Variants in PIK3C2G observed in about 807,000 individuals in gnomAD.
PIK3C2G encodes phosphatidylinositol 3-kinase C2 domain-containing subunit gamma.
Under a neutral mutation model 181.1 loss-of-function variants are expected in PIK3C2G, and 168 were observed. That is an observed-to-expected ratio of 0.93 (90% confidence interval 0.82 to 1.05). The LOEUF (loss-of-function observed/expected upper bound fraction) is 1.05, where lower values mean the gene tolerates loss of function less well. Ranked by LOEUF, PIK3C2G falls within the 50% of genes least tolerant of loss-of-function variation. The probability of loss-of-function intolerance (pLI) is 0.00; values close to 1 mark genes in which losing one functional copy is unlikely to be tolerated. For synonymous variants in PIK3C2G, 573 were observed against 592.2 expected (o/e 0.97, Z 0.47); for missense variants, 1,869 against 1,732.8 (o/e 1.08, Z -1.40).
chr12:18,623,354 T>C (rs1365118517), intron 31 of PIK3C2G, among the ~76,000 whole-genome samples: 1 of 151,840 alleles, frequency 6.6e-6, no homozygotes, highest in Non-Finnish European at 1.5e-5. Flanking sequence ...TGACTGTACA[T>C]GTGGGGGTTC....
At chr12:18,622,351 C>T (rs1356631620) in intron 31 of PIK3C2G, among the ~76,000 whole-genome samples, 1 of 151,820 alleles carries the variant, frequency 6.6e-6, no homozygotes, top group Non-Finnish European at 1.5e-5. Flanking sequence ...GCGTAATATT[C>T]TCCAGTTCTA....
chr12:18,624,030 T>A (rs570362052), intron 31 of PIK3C2G, among the ~76,000 whole-genome samples: 1 of 151,888 alleles, frequency 6.6e-6, no homozygotes, highest in South Asian at 2.1e-4. Flanking sequence ...TTTCTTTCTT[T>A]CTCCTTTCTA....
chr12:18,432,672 T>C (rs961509032), intron 18 of PIK3C2G, among the ~76,000 whole-genome samples: 2 of 152,218 alleles, frequency 1.3e-5, no homozygotes, highest in African/African-American at 4.8e-5. Context: ...TCTAATAATA[T>C]TTGAATTTGG....
chr12:18,447,937 A>T (rs1256315744), intron 18 of PIK3C2G, among the ~76,000 whole-genome samples: 1 of 152,176 alleles, frequency 6.6e-6, no homozygotes, highest in East Asian at 1.9e-4. Context: ...ATTAATGCAG[A>T]TTATGGGGGA....
chr12:18,249,068 A>G (rs577955324), intron 1 of PIK3C2G, among the ~76,000 whole-genome samples: 10 of 152,254 alleles, frequency 6.6e-5, no homozygotes, highest in African/African-American at 2.4e-4. Flanking sequence ...AATATCATCA[A>G]TCTGTTATTT....
chr12:18,366,521 T>C (rs1290560346), intron 12 of PIK3C2G, among the ~76,000 whole-genome samples: 1 of 152,012 alleles, frequency 6.6e-6, no homozygotes, highest in Admixed American at 6.6e-5. Flanking sequence ...CAGAGTGAGA[T>C]TCTGTCTCAA....
chr12:18,695,044 C>T, the PIK3C2G span: 2 of 1,613,098 alleles, frequency 1.2e-6, no homozygotes, highest in Non-Finnish European at 1.7e-6. Context: ...TTTTGCAGAT[C>T]CATGGGCAGA....
chr12:18,304,510 G>A (rs993437487), intron 5 of PIK3C2G, among the ~76,000 whole-genome samples: 1 of 152,116 alleles, frequency 6.6e-6, no homozygotes, highest in African/African-American at 2.4e-5. Flanking sequence ...ACCCGCCCCG[G>A]CCTCCCAAAA....
At chr12:18,590,302 C>T (rs554004150) in intron 29 of PIK3C2G, among the ~76,000 whole-genome samples, 60 of 151,820 alleles carry the variant, frequency 4.0e-4, no homozygotes, top group Non-Finnish European at 8.3e-4. Context: ...ACATACTTTC[C>T]GAACACCTCA....
intron 25 of PIK3C2G, among the ~76,000 whole-genome samples, chr12:18,542,907 A>T (rs1024742897): frequency 4.0e-5 from 6 of 151,286 alleles, no homozygotes. Flanking sequence ...TGATATACCC[A>T]CAATGAGATT....
chr12:18,313,672 T>C (rs1950732925), intron 5 of PIK3C2G, among the ~76,000 whole-genome samples: 2 of 152,008 alleles, frequency 1.3e-5, no homozygotes, highest in Admixed American at 6.6e-5. Context: ...ATTCTAAAGG[T>C]GTCTAATCAT....
Position 18,559,625 on chromosome 12 carries a change from A to G in PIK3C2G, c.3591-3078A>G, listed in dbSNP as rs1246313088. ...TCAACTGGGGCTTTCTTCCAAAAAA[A>G]AAGGTCTCTCTCACACTGAAGAGAA... On this transcript the variant is annotated intron_variant, in intron 26 of 32. Transcript: ENST00000538779. 2.6e-5 allele frequency among the ~76,000 whole-genome samples: 4 copies of G among 151,386 alleles called. No individual in the cohort carries two copies. In the East Asian group the frequency reaches 7.8e-4, roughly 29 times the overall value.
downstream of PIK3C2G, among the ~76,000 whole-genome samples, chr12:18,650,867 C>T (rs1950482782): frequency 6.6e-6 from 1 of 151,002 alleles, no homozygotes; most frequent in Admixed American, 6.6e-5. Context: ...TCTGGTCCAA[C>T]TTACTGCTAT....
chr12:18,304,982 T>C (rs1413135144), intron 5 of PIK3C2G, among the ~76,000 whole-genome samples: 3 of 152,240 alleles, frequency 2.0e-5, no homozygotes, highest in Non-Finnish European at 4.4e-5. Context: ...AACTTTGAGC[T>C]ATCTCACACA....
chr12:18,273,850 C>T (rs1449262717), intron 1 of PIK3C2G, among the ~76,000 whole-genome samples: 1 of 151,984 alleles, frequency 6.6e-6, no homozygotes, highest in African/African-American at 2.4e-5. Context: ...AAGAAACTAC[C>T]ATCAGAGTGA....
chr12:18,270,242 A>T (rs1257769944), intron 1 of PIK3C2G, among the ~76,000 whole-genome samples: 2 of 152,122 alleles, frequency 1.3e-5, no homozygotes, highest in Non-Finnish European at 2.9e-5. Context: ...ACTTATTAAC[A>T]CTATGGAAGG....
intron 28 of PIK3C2G, among the ~76,000 whole-genome samples, chr12:18,565,503 G>C (rs553185785): frequency 7.2e-5 from 11 of 152,250 alleles, no homozygotes; most frequent in Admixed American, 3.3e-4. Context: ...CAAAATATTG[G>C]TGTTGGTATT....
intron 18 of PIK3C2G, among the ~76,000 whole-genome samples, chr12:18,463,075 T>C (rs909344345): frequency 1.3e-5 from 2 of 152,186 alleles, no homozygotes; most frequent in African/African-American, 2.4e-5. Flanking sequence ...AATAAGGATA[T>C]ATTTGATTTT....
At chr12:18,254,210 T>C (rs1948121935) in intron 1 of PIK3C2G, among the ~76,000 whole-genome samples, 1 of 152,174 alleles carries the variant, frequency 6.6e-6, no homozygotes, top group Admixed American at 6.5e-5. Flanking sequence ...TTACACTCAC[T>C]TAATGATCTA....
Sources: gnomAD v4.1 joint callset for allele counts (sites outside exome capture counted in the v4.1 genomes callset) on GRCh38, gnomAD v4.1.1 for gene constraint, MANE v1.5 for transcripts, NCBI Gene and HGNC (gene_info 2026-07-23, HGNC 2026-07-21) for gene names.